Variants in ITCH observed in about 807,000 individuals in gnomAD.
The protein encoded by ITCH is E3 ubiquitin-protein ligase Itchy homolog.
ITCH carries 28 observed loss-of-function variants against 126.8 expected under a neutral mutation model. The ratio of observed to expected loss-of-function variants is 0.22; its 90% confidence interval spans 0.16 to 0.30. The LOEUF (loss-of-function observed/expected upper bound fraction) is 0.30. ITCH is among the 10% of genes least tolerant of loss of function. The pLI, the probability that ITCH is intolerant of heterozygous loss-of-function variation, is 1.00. For missense variants in ITCH, 631 were observed against 1,032.4 expected (o/e 0.61, Z 5.33); for synonymous variants, 342 against 340.0 (o/e 1.01, Z -0.06).
At chr20:34,483,969 G>A (rs749887313) in intron 20 of ITCH, among the ~76,000 whole-genome samples, 1 of 152,204 alleles carries the variant, frequency 6.6e-6, no homozygotes, top group Non-Finnish European at 1.5e-5. Context: ...GAGAGAGCTT[G>A]TGCTGGGAAA....
At chr20:34,368,202 G>A (rs1363471518) in intron 1 of ITCH, among the ~76,000 whole-genome samples, 6 of 151,938 alleles carry the variant, frequency 3.9e-5, no homozygotes, top group Non-Finnish European at 5.9e-5. Context: ...CCTGGGAGGC[G>A]GAGGTTGCAG....
At chr20:34,401,991 A>G (rs948263370) in intron 3 of ITCH, among the ~76,000 whole-genome samples, 2 of 152,162 alleles carry the variant, frequency 1.3e-5, no homozygotes, top group African/African-American at 4.8e-5. Context: ...GCGCATAGCT[A>G]TGGGCCTTGT....
chr20:34,379,317 A>G (rs1301697325), intron 2 of ITCH, among the ~76,000 whole-genome samples: 4 of 152,130 alleles, frequency 2.6e-5, no homozygotes, highest in Non-Finnish European at 5.9e-5. Flanking sequence ...TTTTATTTTT[A>G]TTGTGGTAAA....
At chr20:34,389,099 T>A (rs2038395816) in intron 2 of ITCH, among the ~76,000 whole-genome samples, 1 of 152,202 alleles carries the variant, frequency 6.6e-6, no homozygotes, top group Non-Finnish European at 1.5e-5. Context: ...ATGTGAAAAG[T>A]CCTTCCCATA....
At chr20:34,407,375 T>C (rs1207037619) in intron 3 of ITCH, among the ~76,000 whole-genome samples, 1 of 152,128 alleles carries the variant, frequency 6.6e-6, no homozygotes, top group Non-Finnish European at 1.5e-5. Context: ...CAAGCAATTC[T>C]CCTGCCTCAG....
At chr20:34,444,674 C>A (rs1388506093) in intron 10 of ITCH, among the ~76,000 whole-genome samples, 1 of 152,164 alleles carries the variant, frequency 6.6e-6, no homozygotes, top group Non-Finnish European at 1.5e-5. Context: ...TGGAGACTCA[C>A]TCTGTTGCCC....
At position 34,401,677 on chromosome 20, in the gene ITCH, C is replaced by T. The variant is rs910960142; in HGVS notation, c.71-6974C>T. The T allele has an allele frequency of 3.4e-5, 33 of 965,928 alleles. No homozygotes were observed. The African/African-American group carries it at 5.8e-4, about 17-fold the overall frequency. The allele number at this position is 965,928 out of a possible 1,614,324, so 59.8% of individuals were successfully genotyped here. A position where few individuals can be genotyped will look rare whatever the true frequency, so the allele number is the denominator to read the frequency against. On this transcript the variant is annotated intron_variant, in intron 3 of 24. Transcript: ENST00000374864. ...AAGTAGACTGTGGAATCAATCGGTC[C>T]TCCTCACCTTAAGGGCCATCCACTG...
At chr20:34,387,204 G>A (rs1262167210) in intron 2 of ITCH, among the ~76,000 whole-genome samples, 1 of 151,948 alleles carries the variant, frequency 6.6e-6, no homozygotes, top group Admixed American at 6.6e-5. Flanking sequence ...TAGGGAGGCT[G>A]AGGCAGGAGA....
chr20:34,490,079 C>T (rs1989406838), intron 22 of ITCH, among the ~76,000 whole-genome samples, 153 bp downstream of exon 22: 1 of 152,188 alleles, frequency 6.6e-6, no homozygotes, highest in East Asian at 1.9e-4. Flanking sequence ...ATTATAACAG[C>T]ATCCTTTTAA....
Position 34,440,206 on chromosome 20 carries a change from C to T in ITCH, c.731C>T (p.Thr244Ile), listed in dbSNP as rs1412931492. The change falls in exon 9 of 25, where the codon ACA becomes ATA. Residue 244 changes from threonine to isoleucine, a missense_variant. Thr to Ile is a moderately conservative substitution (Grantham distance 89). This residue lies in a region of ITCH where 220 missense variants were observed against 265.7 expected (regional missense o/e 0.83). Coordinates refer to ENST00000374864, the MANE Select transcript of ITCH (RefSeq NM_031483.7). ...SATSESDGSS[T>I]GSLPPTNTNT... ...ACTTCTGAAAGTGATGGGTCTAGTA[C>T]AGGCTCTCTGCCGCCGACAAATACA... is the stretch of plus-strand genomic sequence containing the variant. 7.4e-6 allele frequency: 12 copies of T among 1,613,686 alleles called. No homozygotes were observed. The highest frequency in any genetic ancestry group is 1.1e-5 in the South Asian group (1 of 91,076).
chr20:34,389,635 CTTGG>C (rs780764377), intron 2 of ITCH, among the ~76,000 whole-genome samples: 2 of 152,122 alleles, frequency 1.3e-5, no homozygotes, highest in Non-Finnish European at 2.9e-5. Flanking sequence ...GAAGTGATGT[CTTGG>C]TTGGCCATGA....
chr20:34,414,274 G>T (rs1435733747), intron 6 of ITCH, among the ~76,000 whole-genome samples: 1 of 151,548 alleles, frequency 6.6e-6, no homozygotes, highest in Non-Finnish European at 1.5e-5. Context: ...TGAAAAATTA[G>T]CCAAATAGAA....
chr20:34,411,804 C>T (rs952310250), intron 4 of ITCH, among the ~76,000 whole-genome samples: 3 of 152,104 alleles, frequency 2.0e-5, no homozygotes, highest in East Asian at 1.9e-4. Context: ...ATTGATTCTA[C>T]GTGTATTGCA....
intron 7 of ITCH, among the ~76,000 whole-genome samples, chr20:34,430,423 A>AT (rs534376489): frequency 3.7e-4 from 55 of 147,854 alleles, no homozygotes; most frequent in Admixed American, 4.8e-4. Flanking sequence ...GACTTACGGA[A>AT]TTTTTTTTTT....
rs1489998283 is a variant in ITCH at position 34,511,646 on chromosome 20, G to T, written c.*3852G>T. ...GGAGGGAGTTTATTTCTGTAACCAGGTATGGGGAGAAAGCCTGGAAATGAT... is the reference window on the plus strand; with the variant it reads ...GGAGGGAGTTTATTTCTGTAACCAGTTATGGGGAGAAAGCCTGGAAATGAT... On this transcript the variant is annotated 3_prime_UTR_variant, in exon 25 of 25. Transcript: ENST00000374864. Among the ~76,000 whole-genome samples the T allele has an allele frequency of 6.6e-6, 1 of 152,162 alleles. No individual in the cohort carries two copies. Among genetic ancestry groups the T allele is most frequent in the Non-Finnish European group, 1.5e-5 (1 of 68,018 alleles).
chr20:34,420,575 G>A lies in ITCH; in HGVS notation c.476-3905G>A, dbSNP rs188119386. ...TGTACAAGGTTCTGTGTAGAAATAT[G>A]TTTTCATTTCTTTTGGATATATACC... On this transcript the variant is annotated intron_variant, in intron 6 of 24. Coordinates refer to ENST00000374864, the MANE Select transcript of ITCH (RefSeq NM_031483.7). 1.6e-4 allele frequency among the ~76,000 whole-genome samples: 24 copies of A among 152,222 alleles called. No homozygotes were observed. In the East Asian group the frequency reaches 4.2e-3, roughly 27 times the overall value.
intron 14 of ITCH, among the ~76,000 whole-genome samples, chr20:34,465,663 T>A (rs189922501): frequency 1.2e-3 from 183 of 152,274 alleles, no homozygotes; most frequent in Admixed American, 5.4e-3. Context: ...TTTTATTCTT[T>A]GTGATGCTAT....
At chr20:34,505,289 C>T (rs1990548292) in intron 24 of ITCH, among the ~76,000 whole-genome samples, 1 of 152,102 alleles carries the variant, frequency 6.6e-6, no homozygotes. Flanking sequence ...GGTGATCCAC[C>T]CACCTCGGCC....
In ITCH at chr20:34,507,978, G is replaced by T. The variant is rs1457305219; in HGVS notation, c.*184G>T. On this transcript the variant is annotated 3_prime_UTR_variant, in exon 25 of 25. Transcript: ENST00000374864. ...TCTACTCAGCGTTTCCAGAAATCAGGTCTGCAAATGACTAGTCAGAACCTT... is the reference window on the plus strand; with the variant it reads ...TCTACTCAGCGTTTCCAGAAATCAGTTCTGCAAATGACTAGTCAGAACCTT... The T allele has an allele frequency of 1.7e-6, 1 of 583,060 alleles. No individual in the cohort carries two copies. Among genetic ancestry groups the T allele is most frequent in the South Asian group, 1.9e-5 (1 of 53,486 alleles). The allele number at this position is 583,060 out of a possible 1,614,324, so 36.1% of individuals were successfully genotyped here. A position where few individuals can be genotyped will look rare whatever the true frequency, so the allele number is the denominator to read the frequency against.
Sources: allele counts gnomAD v4.1 joint callset (sites outside exome capture counted in the v4.1 genomes callset), GRCh38; gene constraint gnomAD v4.1.1; regional missense constraint gnomAD v4.1.1; transcripts MANE v1.5; gene names NCBI Gene and HGNC (gene_info 2026-07-23, HGNC 2026-07-21).